The following PPDPFL variants were observed in gnomAD, a reference collection of about 807,000 sequenced individuals.
PPDPFL encodes pancreatic progenitor cell differentiation and proliferation factor-like protein.
PPDPFL carries 12 observed loss-of-function variants against 12.6 expected under a neutral mutation model. The observed-to-expected ratio is 0.95, with a 90% CI of 0.61 to 1.54. The LOEUF is 1.54. PPDPFL is among the 40% of genes most tolerant of loss of function. The pLI, the probability that PPDPFL is intolerant of heterozygous loss-of-function variation, is 0.00. For synonymous variants in PPDPFL, 24 were observed against 32.7 expected (o/e 0.73, Z 0.91); for missense variants, 114 against 96.0 (o/e 1.19, Z -0.78).
upstream of PPDPFL, among the ~76,000 whole-genome samples, chr8:49,069,884 G>A (rs535475641): frequency 3.9e-5 from 6 of 152,268 alleles, no homozygotes; most frequent in South Asian, 2.1e-4. Context: ...GCAGTGAGCC[G>A]AGATCGCCCA....
At chr8:49,055,553 G>T (rs558355403) in intron 1 of PPDPFL, among the ~76,000 whole-genome samples, 4 of 152,062 alleles carry the variant, frequency 2.6e-5, no homozygotes, top group Non-Finnish European at 5.9e-5. Context: ...TTTTAAATAT[G>T]ATATTACATT....
chr8:49,055,437 C>T (rs1415713035), intron 1 of PPDPFL, among the ~76,000 whole-genome samples: 1 of 152,176 alleles, frequency 6.6e-6, no homozygotes, highest in Non-Finnish European at 1.5e-5. Context: ...TCTCATTCTT[C>T]TGCCTGACTT....
At chr8:49,063,497 A>T in intron 1 of PPDPFL, among the ~76,000 whole-genome samples, 1 of 152,116 alleles carries the variant, frequency 6.6e-6, no homozygotes, top group Non-Finnish European at 1.5e-5. Context: ...TGGCAGGTGG[A>T]TCTCCTGAGC....
At chr8:49,065,136 GA>G (rs1252585059) in intron 1 of PPDPFL, among the ~76,000 whole-genome samples, 1 of 151,810 alleles carries the variant, frequency 6.6e-6, no homozygotes, top group Non-Finnish European at 1.5e-5. Context: ...TGACAGTATT[GA>G]AAAACAAAAA....
upstream of PPDPFL, among the ~76,000 whole-genome samples, chr8:49,072,015 G>A (rs947138117): frequency 7.2e-5 from 11 of 152,212 alleles, 1 homozygote; most frequent in African/African-American, 2.2e-4. Context: ...CGTGCCCAGC[G>A]TGGTGCTGCA....
Position 49,075,307 on chromosome 8 carries a change from A to G in PPDPFL, c.*134A>G, listed in dbSNP as rs1234268447. Reference sequence around the variant, plus strand: ...GTCCATACATGAACAGCTCCCCTTCAGCGCCCCAGCTATTCCAGGACTCTT... The same window carrying G: ...GTCCATACATGAACAGCTCCCCTTCGGCGCCCCAGCTATTCCAGGACTCTT... On this transcript the variant is annotated 3_prime_UTR_variant, in exon 5 of 5. Coordinates refer to ENST00000522267, the MANE Select transcript of PPDPFL (RefSeq NM_001256597.2). 23 of 1,569,620 alleles carry G rather than the reference A, an allele frequency of 1.5e-5. No homozygotes were observed. The highest frequency in any genetic ancestry group is 2.0e-5 in the Non-Finnish European group (23 of 1,139,572).
At chr8:49,074,888 G>A in intron 4 of PPDPFL, 2 of 1,383,998 alleles carry the variant, frequency 1.4e-6, no homozygotes, top group South Asian at 1.6e-5. Flanking sequence ...TAACTAAATG[G>A]AATAGAAAGA....
At position 49,072,778 on chromosome 8, in the gene PPDPFL, C is replaced by T. The variant is rs1808415090; in HGVS notation, c.-44-9C>T. 2 of 1,391,844 alleles carry T rather than the reference C, an allele frequency of 1.4e-6. No individual in the cohort carries two copies. Among genetic ancestry groups the T allele is most frequent in the East Asian group, 4.8e-5 (2 of 41,808 alleles). The allele number at this position is 1,391,844 out of a possible 1,614,324, so 86.2% of individuals were successfully genotyped here. A position where few individuals can be genotyped will look rare whatever the true frequency, so the allele number is the denominator to read the frequency against. On this transcript the variant is annotated splice_polypyrimidine_tract_variant and intron_variant, in intron 1 of 4. Coordinates refer to ENST00000522267, the MANE Select transcript of PPDPFL (RefSeq NM_001256597.2). ...ATATCAATGTCTCTTTTCTCTGTCG[C>T]TGTTTCAGATTAATGCTCACAGCTT... is the stretch of plus-strand genomic sequence containing the variant.
At chr8:49,069,725 A>G (rs1200643214), upstream of PPDPFL, among the ~76,000 whole-genome samples, 1 of 152,230 alleles carries the variant, frequency 6.6e-6, no homozygotes, top group African/African-American at 2.4e-5. Context: ...TCACAAGGTC[A>G]GGAGCTGGAG....
chr8:49,055,782 A>T (rs1808103359), intron 1 of PPDPFL, among the ~76,000 whole-genome samples: 1 of 151,980 alleles, frequency 6.6e-6, no homozygotes, highest in African/African-American at 2.4e-5. Flanking sequence ...ACTAGATTCA[A>T]TTTGTTGTCA....
At chr8:49,069,755 T>C (rs1266433480), upstream of PPDPFL, among the ~76,000 whole-genome samples, 2 of 152,094 alleles carry the variant, frequency 1.3e-5, no homozygotes, top group African/African-American at 4.8e-5. Context: ...GCTAACACGG[T>C]GAAACCCCAT....
chr8:49,059,110 C>A (rs1220972443), intron 1 of PPDPFL, among the ~76,000 whole-genome samples: 3 of 152,156 alleles, frequency 2.0e-5, no homozygotes, highest in Admixed American at 6.5e-5. Flanking sequence ...GGAAACAGTG[C>A]AGACAACAGG....
upstream of PPDPFL, among the ~76,000 whole-genome samples, chr8:49,071,612 C>G (rs1045859883): frequency 1.3e-5 from 2 of 151,702 alleles, no homozygotes; most frequent in Admixed American, 1.3e-4. Flanking sequence ...GCCCAAATCG[C>G]GCCACTGCAC....
upstream of PPDPFL, among the ~76,000 whole-genome samples, chr8:49,068,151 T>A (rs1455816480): frequency 2.0e-5 from 3 of 152,206 alleles, no homozygotes; most frequent in Admixed American, 1.3e-4. Flanking sequence ...AACTACCATA[T>A]CTGTCAGGTT....
chr8:49,056,603 T>A lies in PPDPFL; in HGVS notation c.-45+2234T>A, dbSNP rs560212597. Among the ~76,000 whole-genome samples the A allele has an allele frequency of 1.1e-4, 16 of 152,322 alleles. No individual in the cohort carries two copies. In the South Asian group the frequency reaches 3.3e-3, roughly 32 times the overall value. On this transcript the variant is annotated intron_variant, in intron 1 of 4. Coordinates refer to the PPDPFL transcript ENST00000517663. ...GTCTTTGAATGAATCAATGGATTGA[T>A]GAGTTACTACTATCTGTGCAGTGAG...
At chr8:49,074,712 C>A (rs1262929259) in intron 4 of PPDPFL, 1 of 1,459,562 alleles carries the variant, frequency 6.9e-7, no homozygotes, top group East Asian at 2.5e-5. Flanking sequence ...GATAACACTG[C>A]TGATTTTGAT....
chr8:49,061,829 C>G (rs561422152), intron 1 of PPDPFL, among the ~76,000 whole-genome samples: 5 of 152,184 alleles, frequency 3.3e-5, no homozygotes, highest in Admixed American at 1.3e-4. Context: ...TCTGCTTCTC[C>G]AAGGGGAAGG....
intron 1 of PPDPFL, among the ~76,000 whole-genome samples, chr8:49,063,346 C>A (rs576572316): frequency 2.0e-5 from 3 of 152,244 alleles, no homozygotes; most frequent in African/African-American, 7.2e-5. Flanking sequence ...TTCCACCTGC[C>A]CCATGTCATA....
intron 1 of PPDPFL, among the ~76,000 whole-genome samples, chr8:49,056,345 C>G (rs1245266248): frequency 6.6e-6 from 1 of 152,184 alleles, no homozygotes; most frequent in Non-Finnish European, 1.5e-5. Context: ...TTCTTGCAGG[C>G]TCTGCCCAAA....
Sources: gnomAD v4.1 joint callset for allele counts (sites outside exome capture counted in the v4.1 genomes callset) on GRCh38, gnomAD v4.1.1 for gene constraint, MANE v1.5 for transcripts, NCBI Gene and HGNC (gene_info 2026-07-23, HGNC 2026-07-21) for gene names.